Variants in ABCA3 observed in about 807,000 individuals in gnomAD.
ABCA3 encodes the protein phospholipid-transporting ATPase ABCA3.
In ABCA3, 88 loss-of-function variants were observed where a neutral mutation model predicts 172.8. The ratio of observed to expected loss-of-function variants is 0.51; its 90% CI spans 0.43 to 0.61. The LOEUF is 0.61. Among genes scored for constraint, ABCA3 ranks in the 20% least tolerant of loss-of-function variants. The pLI is 0.00. For missense variants in ABCA3, 2,164 were observed against 2,301.0 expected, an observed-to-expected ratio of 0.94 and a Z score of 1.22; for synonymous variants, 1,066 against 983.8, an observed-to-expected ratio of 1.08 and a Z score of -1.56.
At chr16:2,288,369 G>A in intron 20 of ABCA3, 40 bp from the exon 21 acceptor site, 2 of 1,529,912 alleles carry the variant, frequency 1.3e-6, no homozygotes, top group Non-Finnish European at 1.8e-6. Context: ...GCACCGCTTG[G>A]GGCCCAGCGC....
chr16:2,303,877 T>C, intron 12 of ABCA3, 92 bp downstream of exon 12: 4 of 1,428,054 alleles, frequency 2.8e-6, no homozygotes, highest in Non-Finnish European at 3.9e-6. Flanking sequence ...AGGTGCTGCA[T>C]GCTGGGGACT....
chr16:2,339,099 G>T (rs1458334194), intron 1 of ABCA3: 1 of 152,240 alleles, frequency 6.6e-6, no homozygotes, highest in Non-Finnish European at 1.5e-5. Context: ...CCCCGTCAGA[G>T]CCGTCCCCAA....
chr16:2,304,196 G>T (rs775838722), intron 11 of ABCA3, 46 bp from the exon 12 acceptor site: 3 of 1,612,010 alleles, frequency 1.9e-6, no homozygotes, highest in Non-Finnish European at 2.5e-6. Context: ...GCAGGCTGGG[G>T]GGCCCAGGGA....
intron 1 of ABCA3, among the ~76,000 whole-genome samples, chr16:2,331,616 T>TA (rs2093743364): frequency 6.6e-6 from 1 of 152,262 alleles, no homozygotes; most frequent in African/African-American, 2.4e-5. Flanking sequence ...AAAAGGAGTT[T>TA]AAAGGAAGAG....
chr16:2,317,226 A>T, intron 10 of ABCA3, 57 bp downstream of exon 10: 1 of 1,609,874 alleles, frequency 6.2e-7, no homozygotes, highest in Non-Finnish European at 8.5e-7. Context: ...GGTTATTTCC[A>T]TGCAGATGGC....
Position 2,295,706 on chromosome 16 carries a change from C to T in ABCA3, c.2298G>A (p.Pro766=), listed in dbSNP as rs755424896. ...GGGAGATGTCTTCCGGGTTGCAGTG[C>T]GGCTCCTTCACCAGCGTCATGTGAT... ...AGYHMTLVKE[P]HCNPEDISQL... The change falls in exon 18 of 33, where the codon CCG becomes CCA. Residue 766 remains proline, a synonymous_variant. Coordinates refer to ENST00000301732, the MANE Select transcript of ABCA3 (RefSeq NM_001089.3). 55 of 1,613,896 alleles carry T rather than the reference C, an allele frequency of 3.4e-5. No homozygotes were observed. Among genetic ancestry groups the T allele is most frequent in the Middle Eastern group, 1.6e-4 (1 of 6,082 alleles).
rs748766458 is a variant in ABCA3, at chr16:2,288,036, G to A, written c.2994C>T (p.Arg998=). The A allele has an allele frequency of 3.2e-5, 51 of 1,607,476 alleles. No individual in the cohort carries two copies. In the Middle Eastern group the frequency reaches 6.9e-4, roughly 22 times the overall value. The change falls in exon 21 of 33, where the codon CGC becomes CGT. Residue 998 remains arginine (R), a synonymous_variant. Transcript: ENST00000301732. ...CGGGATGCCCCTTACCGAGCACCTC[G>A]CGGGGCTCCTGTCCCTCAGCCTGCA... ...DALQAEGQEP[R]EVLGDLEEFL...
In ABCA3 at chr16:2,279,186, C is replaced by G; in HGVS notation, c.4360-56G>C. The stretch of plus-strand genomic sequence containing the variant: ...CGGGTTGGAGGGAAGCCTCCTTCCT[C>G]CAGAGGACCACGGGGACTACCCTTG... On this transcript the variant is annotated intron_variant, in intron 28 of 32. Transcript: ENST00000301732. The surrounding 1 kb of genome is among the most constrained non-coding windows in gnomAD (Gnocchi z 4.4). 6.3e-7 allele frequency: 1 copy of G among 1,591,128 alleles called. No homozygotes were observed. Among genetic ancestry groups the G allele is most frequent in the Non-Finnish European group, 8.5e-7 (1 of 1,172,258 alleles).
intron 5 of ABCA3, 132 bp downstream of exon 5, chr16:2,325,878 G>T: frequency 7.9e-7 from 1 of 1,269,180 alleles, no homozygotes; most frequent in Non-Finnish European, 1.1e-6. Flanking sequence ...GATGCGGGAA[G>T]AAGCAGAGGC....
At position 2,328,640 on chromosome 16, in the gene ABCA3, C is replaced by T. The variant is rs775464283; in HGVS notation, c.-214G>A. 4.1e-6 allele frequency: 2 copies of T among 484,534 alleles called. No individual in the cohort carries two copies. The highest frequency in any genetic ancestry group is 2.0e-5 in the African/African-American group (1 of 51,078). The allele number at this position is 484,534 out of a possible 1,614,324, so 30.0% of individuals were successfully genotyped here. ...AGAGAGCCCCTGGTGCTGGTCCACT[C>T]GCTACAACTGCAGGCAGAGAGGAGT... On this transcript the variant is annotated 5_prime_UTR_variant, in exon 3 of 33. Transcript: ENST00000301732.
chr16:2,284,980 C>T lies in ABCA3; in HGVS notation c.3502G>A (p.Asp1168Asn), dbSNP rs146280732. ...LLLLVVFKAF[D>N]VRAFTRDGHM... ...CCGTCCCGCGTGAAGGCACGCACGT[C>T]GAAGGCCTTAAACACCACCTGCGGC... Residue 1168 changes from aspartate (D) to asparagine (N), a missense_variant, in exon 24 of 33, where the codon GAC becomes AAC. Transcript: ENST00000301732. The surrounding 1 kb of genome is among the most constrained non-coding windows in gnomAD (Gnocchi z 5.9). 1.4e-5 allele frequency: 22 copies of T among 1,613,292 alleles called. No individual in the cohort carries two copies. The highest frequency in any genetic ancestry group is 1.7e-4 in the Middle Eastern group (1 of 5,860).
chr16:2,290,223 C>A (rs781213339), intron 19 of ABCA3, among the ~76,000 whole-genome samples: 1 of 152,134 alleles, frequency 6.6e-6, no homozygotes, highest in African/African-American at 2.4e-5. Context: ...TCTCCCAGTC[C>A]CACTCATCTT....
At chr16:2,316,805 G>C (rs2141729309) in intron 10 of ABCA3, among the ~76,000 whole-genome samples, 1 of 152,152 alleles carries the variant, frequency 6.6e-6, no homozygotes, top group Non-Finnish European at 1.5e-5. Context: ...AAGTAATCAA[G>C]TGAAACATTA....
Position 2,288,170 on chromosome 16 carries a change from G to A in ABCA3, c.2860C>T (p.Pro954Ser). 1.2e-6 allele frequency: 2 copies of A among 1,608,726 alleles called. No individual in the cohort carries two copies. Among genetic ancestry groups the A allele is most frequent in the Non-Finnish European group, 8.5e-7 (1 of 1,177,508 alleles). Residue 954 changes from proline (P) to serine (S), a missense_variant, in exon 21 of 33, where the codon CCC (proline) becomes TCC (serine). By Grantham distance (74) the Pro-to-Ser change is moderately conservative (BLOSUM62 -1). Transcript: ENST00000301732. ...TCGCCCAAGGTCAGCCTCAGCATGGGGTCGTCGAAGAGCTCCGAGGAGTAG... is the reference window on the plus strand; with the variant it reads ...TCGCCCAAGGTCAGCCTCAGCATGGAGTCGTCGAAGAGCTCCGAGGAGTAG... ...INYSSELFDDPMLRLTLGEYG... is the reference protein window; with the variant it reads ...INYSSELFDDSMLRLTLGEYG...
intron 10 of ABCA3, among the ~76,000 whole-genome samples, chr16:2,309,442 A>G (rs937506063): frequency 6.6e-6 from 1 of 152,200 alleles, no homozygotes; most frequent in Admixed American, 6.5e-5. Context: ...ATGGAGACAC[A>G]TGCTGGATGC....
intron 8 of ABCA3, among the ~76,000 whole-genome samples, chr16:2,317,981 C>G (rs1325214511): frequency 1.3e-5 from 2 of 152,252 alleles, no homozygotes; most frequent in African/African-American, 4.8e-5. Context: ...TAGGCATAAG[C>G]CACTGCACCC....
In ABCA3 at chr16:2,296,378, G is replaced by C. The variant is rs565315769; in HGVS notation, c.2264-638C>G. 2.0e-5 allele frequency among the ~76,000 whole-genome samples: 3 copies of C among 152,272 alleles called. No individual in the cohort carries two copies. In the South Asian group the frequency reaches 6.2e-4, roughly 32 times the overall value. On this transcript the variant is annotated intron_variant, in intron 17 of 32. Transcript: ENST00000301732. The stretch of plus-strand genomic sequence containing the variant: ...CCTCCCCAAGTAGCTGGGATTACAG[G>C]CATGCACCACCATACCTGGTTAAGT...
chr16:2,340,585 C>G lies in ABCA3; in HGVS notation c.-551G>C, dbSNP rs991020804. On this transcript the variant is annotated 5_prime_UTR_variant, in exon 1 of 33. Transcript: ENST00000301732. Reference sequence around the variant, plus strand: ...CGGCGGCACTCACCGAGCCTGGGCGCCGGGGCGGCGGCGGCCGGCGCGCGG... The same window carrying G: ...CGGCGGCACTCACCGAGCCTGGGCGGCGGGGCGGCGGCGGCCGGCGCGCGG... The G allele has an allele frequency of 1.8e-4, 27 of 148,846 alleles. No individual in the cohort carries two copies. Among genetic ancestry groups the G allele is most frequent in the Admixed American group, 8.0e-4 (12 of 14,986 alleles). The allele number at this position is 148,846 out of a possible 1,614,324, so 9.2% of individuals were successfully genotyped here. A position where few individuals can be genotyped will look rare whatever the true frequency, so the allele number is the denominator to read the frequency against.
intron 1 of ABCA3, among the ~76,000 whole-genome samples, chr16:2,338,372 A>T (rs2093755138): frequency 6.6e-6 from 1 of 152,038 alleles, no homozygotes. Flanking sequence ...CTACCTACCC[A>T]TCACTTCCCA....
Sources: allele counts gnomAD v4.1 joint callset (sites outside exome capture counted in the v4.1 genomes callset), GRCh38; gene constraint gnomAD v4.1.1; non-coding constraint Gnocchi (gnomAD v3.1); transcripts MANE v1.5; gene names NCBI Gene and HGNC (gene_info 2026-07-23, HGNC 2026-07-21).